Variants in DRICH1 observed in about 807,000 individuals in gnomAD.
DRICH1 encodes aspartate rich 1.
A neutral mutation model predicts 39.5 loss-of-function variants in DRICH1; 38 were observed. The observed-to-expected ratio is 0.96, with a 90% CI of 0.74 to 1.26. The LOEUF is 1.26. DRICH1 is among the 50% of genes most tolerant of loss of function. The pLI, the probability that DRICH1 is intolerant of heterozygous loss-of-function variation, is 0.00. For synonymous variants in DRICH1, 84 were observed against 99.5 expected, an observed-to-expected ratio of 0.84 and a Z score of 0.93; for missense variants, 279 against 270.4, an observed-to-expected ratio of 1.03 and a Z score of -0.22.
At chr22:23,614,259 C>G (rs781346908) in intron 8 of DRICH1, 45 bp from the exon 9 acceptor site, 31 of 1,383,948 alleles carry the variant, frequency 2.2e-5, no homozygotes, top group Admixed American at 1.5e-4. Context: ...TGGTTGGTGA[C>G]TCTGAGTCAC....
At chr22:23,592,876 ACAC>A in the DRICH1 span, among the ~76,000 whole-genome samples, 75 of 144,946 alleles carry the variant, frequency 5.2e-4, no homozygotes, top group African/African-American at 7.3e-4. Context: ...ACACACACAC[ACAC>A]AAAATTAGCT....
the DRICH1 span, among the ~76,000 whole-genome samples, chr22:23,587,128 A>G: frequency 1.3e-5 from 2 of 152,126 alleles, no homozygotes. Flanking sequence ...CATCTCTATG[A>G]TGGGATTTCT....
chr22:23,623,796 T>C (rs1314360714), intron 3 of DRICH1: 1 of 315,770 alleles, frequency 3.2e-6, no homozygotes, highest in Non-Finnish European at 4.6e-6. Flanking sequence ...GGGGCACCCA[T>C]AAGTATCACA....
chr22:23,587,071 G>T, the DRICH1 span, among the ~76,000 whole-genome samples: 4 of 152,124 alleles, frequency 2.6e-5, no homozygotes, highest in African/African-American at 9.7e-5. Flanking sequence ...TGCCCTTATC[G>T]TGCAAGAGTC....
chr22:23,609,430 T>C (rs1847368639), intron 11 of DRICH1, among the ~76,000 whole-genome samples: 1 of 152,154 alleles, frequency 6.6e-6, no homozygotes. Flanking sequence ...TTACAGCCCC[T>C]CAGAGGAGAC....
intron 6 of DRICH1, among the ~76,000 whole-genome samples, chr22:23,618,450 A>C (rs1344806098): frequency 6.6e-6 from 1 of 152,130 alleles, no homozygotes; most frequent in Non-Finnish European, 1.5e-5. Context: ...TCATTTAAAA[A>C]ATTAAATATT....
At chr22:23,628,650 G>A (rs1211087457) in intron 1 of DRICH1, among the ~76,000 whole-genome samples, 3 of 152,176 alleles carry the variant, frequency 2.0e-5, no homozygotes, top group Non-Finnish European at 4.4e-5. Context: ...TTCCTCAAGT[G>A]ACTTCCATAA....
At position 23,620,597 on chromosome 22, in the gene DRICH1, G is replaced by T; in HGVS notation, c.403C>A (p.Gln135Lys). Reference protein sequence around the residue: ...DDAQILPSRVQGGCYRFDSSS... With the variant: ...DDAQILPSRVKGGCYRFDSSS... The stretch of plus-strand genomic sequence containing the variant: ...TGAGTTAGTTCAAGGTACATACCCT[G>T]GACACGTGACGGTAAAATCTGCAAC... Residue 135 changes from glutamine (Q) to lysine (K), a missense_variant, in exon 5 of 12, where the codon CAG becomes AAG. Transcript: ENST00000317749. The T allele has an allele frequency of 3.1e-6, 5 of 1,613,842 alleles. No homozygotes were observed. The highest frequency in any genetic ancestry group is 4.2e-6 in the Non-Finnish European group (5 of 1,179,792).
rs1374197035 is a variant in DRICH1, at chr22:23,611,581, C to T, written c.685+1708G>A. Among the ~76,000 whole-genome samples the T allele has an allele frequency of 4.6e-5, 7 of 152,078 alleles. 1 individual carries two copies. The highest frequency in any genetic ancestry group is 4.2e-4 in the South Asian group (2 of 4,810). ...TAATGTTTTGTATTTTTAGTAGAGA[C>T]GGGGTTTCACTGTGTGAGCCAGGAT... On this transcript the variant is annotated intron_variant, in intron 11 of 11. Coordinates refer to ENST00000317749, the MANE Select transcript of DRICH1 (RefSeq NM_016449.4).
In DRICH1 at chr22:23,624,912, G is replaced by A; in HGVS notation, c.277-8C>T. The A allele has an allele frequency of 6.2e-7, 1 of 1,613,244 alleles. No individual in the cohort carries two copies. Among genetic ancestry groups the A allele is most frequent in the South Asian group, 1.1e-5 (1 of 91,066 alleles). Reference sequence around the variant, plus strand: ...GACAGGTGATGGTAAAATCTGCAATGAGACAAAAGAAGATGCTATGAGGAT... The same window carrying A: ...GACAGGTGATGGTAAAATCTGCAATAAGACAAAAGAAGATGCTATGAGGAT... On this transcript the variant is annotated splice_region_variant and splice_polypyrimidine_tract_variant and intron_variant, in intron 2 of 11. Coordinates refer to ENST00000317749, the MANE Select transcript of DRICH1 (RefSeq NM_016449.4).
chr22:23,616,889 A>G lies in DRICH1; in HGVS notation c.520-15T>C. 6.2e-7 allele frequency: 1 copy of G among 1,613,890 alleles called. No homozygotes were observed. The highest frequency in any genetic ancestry group is 8.5e-7 in the Non-Finnish European group (1 of 1,179,774). On this transcript the variant is annotated splice_polypyrimidine_tract_variant and intron_variant, in intron 7 of 11. Transcript: ENST00000317749. ...GACGGTAAAATCTGCAATGAGATAA[A>G]AGAAGATGCTGTAAGGATCAGATCA...
intron 5 of DRICH1, among the ~76,000 whole-genome samples, chr22:23,619,763 G>A (rs1207993207): frequency 1.3e-5 from 2 of 152,210 alleles, no homozygotes; most frequent in Non-Finnish European, 1.5e-5. Context: ...CCAAGACACT[G>A]GAGCTATTGC....
the DRICH1 span, among the ~76,000 whole-genome samples, chr22:23,600,967 T>G: frequency 1.4e-4 from 21 of 152,152 alleles, no homozygotes. Context: ...CCACCGCACC[T>G]GGCCGGCAAT....
the DRICH1 span, among the ~76,000 whole-genome samples, chr22:23,601,366 G>T: frequency 1.3e-5 from 2 of 152,176 alleles, no homozygotes; most frequent in Non-Finnish European, 2.9e-5. Context: ...TAGACTCCTA[G>T]TCAGCATTAA....
intron 6 of DRICH1, among the ~76,000 whole-genome samples, chr22:23,618,526 G>A (rs1007231109): frequency 1.3e-5 from 2 of 152,100 alleles, no homozygotes; most frequent in African/African-American, 4.8e-5. Context: ...ACCATGGTGT[G>A]TGAACACAAA....
At chr22:23,606,334 C>T (rs996945561), downstream of DRICH1, among the ~76,000 whole-genome samples, 1 of 152,060 alleles carries the variant, frequency 6.6e-6, no homozygotes, top group Non-Finnish European at 1.5e-5. Flanking sequence ...CCAGGTGGGG[C>T]CTGTTTATGG....
chr22:23,624,566 C>T lies in DRICH1; in HGVS notation c.298+317G>A, dbSNP rs567754695. 1.6e-4 allele frequency among the ~76,000 whole-genome samples: 24 copies of T among 152,266 alleles called. 1 individual carries two copies. The highest frequency in any genetic ancestry group is 1.5e-3 in the Admixed American group (23 of 15,298). On this transcript the variant is annotated intron_variant, in intron 3 of 11. Coordinates refer to ENST00000317749, the MANE Select transcript of DRICH1 (RefSeq NM_016449.4). ...AAGTATTGTTACCTACCTGAAAAAGCATAGTCTTCCCCACTAAAGTTCTCC... is the reference window on the plus strand; with the variant it reads ...AAGTATTGTTACCTACCTGAAAAAGTATAGTCTTCCCCACTAAAGTTCTCC...
At chr22:23,601,177 C>G in the DRICH1 span, among the ~76,000 whole-genome samples, 2 of 151,984 alleles carry the variant, frequency 1.3e-5, no homozygotes, top group African/African-American at 2.4e-5. Flanking sequence ...CACACACACA[C>G]GTGGAAACAG....
chr22:23,582,045 T>TCTTA, the DRICH1 span, among the ~76,000 whole-genome samples: 1 of 141,330 alleles, frequency 7.1e-6, no homozygotes, highest in Non-Finnish European at 1.5e-5. Context: ...AGTGGCGCAA[T>TCTTA]CTTAGCTCAT....
Sources: gnomAD v4.1 joint callset for allele counts (sites outside exome capture counted in the v4.1 genomes callset) on GRCh38, gnomAD v4.1.1 for gene constraint, MANE v1.5 for transcripts, NCBI Gene and HGNC (gene_info 2026-07-23, HGNC 2026-07-21) for gene names.